The following SCGB2B2 variants were observed in gnomAD, a reference collection of about 807,000 sequenced individuals.
The protein encoded by SCGB2B2 is secretoglobin-like protein.
In SCGB2B2, 11 loss-of-function variants were observed where a neutral mutation model predicts 7.6. The observed-to-expected ratio is 1.45, with a 90% CI of 0.91 to 2.40. The LOEUF is 2.40. Ranked by LOEUF, SCGB2B2 falls within the 30% of genes most tolerant of loss-of-function variation. The probability of loss-of-function intolerance (pLI) is 0.00; values close to 1 mark genes in which losing one functional copy is unlikely to be tolerated. For synonymous variants in SCGB2B2, 50 were observed against 48.6 expected, an observed-to-expected ratio of 1.03 and a Z score of -0.12; for missense variants, 104 against 115.4, an observed-to-expected ratio of 0.90 and a Z score of 0.45.
chr19:34,606,134 T>G (rs111751897), intron 1 of SCGB2B2, among the ~76,000 whole-genome samples: 4,391 of 152,082 alleles, frequency 0.029, 224 homozygotes, highest in African/African-American at 0.099. Context: ...TTAAAAAATT[T>G]TACATAGTTA....
At chr19:34,645,702 T>C in intron 1 of SCGB2B2, 1 of 426,022 alleles carries the variant, frequency 2.3e-6, no homozygotes, top group South Asian at 2.0e-5. Flanking sequence ...CTGCTGGCTC[T>C]AATCTGCAGC....
At chr19:34,588,749 C>T (rs143340554), downstream of SCGB2B2, among the ~76,000 whole-genome samples, 1 of 152,254 alleles carries the variant, frequency 6.6e-6, no homozygotes, top group Non-Finnish European at 1.5e-5. Flanking sequence ...GCAGGAGACA[C>T]ACAGGGCATT....
intron 1 of SCGB2B2, among the ~76,000 whole-genome samples, chr19:34,608,160 C>T (rs2065831443): frequency 6.6e-6 from 1 of 151,976 alleles, no homozygotes; most frequent in Non-Finnish European, 1.5e-5. Flanking sequence ...TTTCAGTGTG[C>T]AAGTATTACA....
intron 1 of SCGB2B2, among the ~76,000 whole-genome samples, chr19:34,627,348 T>C (rs2066407986): frequency 6.6e-6 from 1 of 152,238 alleles, no homozygotes; most frequent in Non-Finnish European, 1.5e-5. Flanking sequence ...ATCATTGTGC[T>C]GTATTCAGGA....
chr19:34,640,663 C>T (rs1426322132), intron 1 of SCGB2B2: 1 of 152,122 alleles, frequency 6.6e-6, no homozygotes, highest in Non-Finnish European at 1.5e-5. Context: ...AGTTCAGTGG[C>T]ATTAAGTACA....
In SCGB2B2 at chr19:34,594,069, C is replaced by A. The variant is rs185498571; in HGVS notation, c.246+106G>T. 1.4e-3 allele frequency: 1,362 copies of A among 941,168 alleles called. 13 individuals carry two copies. The African/African-American group carries it at 0.02, about 14-fold the overall frequency. The allele number at this position is 941,168 out of a possible 1,614,324, so 58.3% of individuals were successfully genotyped here. A position where few individuals can be genotyped will look rare whatever the true frequency, so the allele number is the denominator to read the frequency against. On this transcript the variant is annotated intron_variant, in intron 3 of 3. Coordinates refer to ENST00000601241, the MANE Select transcript of SCGB2B2 (RefSeq NM_001025591.4). ...TGATTTTGCGCATCCTGGGATGTGG[C>A]TTCCTGCTTAAAACGTGGAAAGCAG...
chr19:34,618,834 G>A (rs974491193), intron 1 of SCGB2B2, among the ~76,000 whole-genome samples: 2 of 152,206 alleles, frequency 1.3e-5, no homozygotes, highest in Non-Finnish European at 2.9e-5. Context: ...ATCTCAGGAT[G>A]AGGATAGAGC....
chr19:34,672,047 G>A (rs894687081), intron 1 of SCGB2B2, among the ~76,000 whole-genome samples: 7 of 152,104 alleles, frequency 4.6e-5, no homozygotes, highest in African/African-American at 9.7e-5. Context: ...AGGCTGAAGC[G>A]AGTGAACTGC....
intron 1 of SCGB2B2, among the ~76,000 whole-genome samples, chr19:34,654,902 C>T (rs755040136): frequency 2.0e-5 from 3 of 151,204 alleles, no homozygotes; most frequent in Non-Finnish European, 4.4e-5. Flanking sequence ...TGCAATGCCA[C>T]GGTCTCCCTG....
intron 1 of SCGB2B2, among the ~76,000 whole-genome samples, chr19:34,636,499 AG>A (rs1368644730): frequency 6.6e-6 from 1 of 152,240 alleles, no homozygotes; most frequent in Non-Finnish European, 1.5e-5. Context: ...GTCCAGACTC[AG>A]GAAAACCAAC....
intron 1 of SCGB2B2, among the ~76,000 whole-genome samples, chr19:34,647,695 A>G (rs7253774): frequency 0.59 from 89,374 of 152,044 alleles, 26,706 homozygotes; most frequent in Middle Eastern, 0.69. Flanking sequence ...ACACCCCATG[A>G]AGAACAAGGC....
At chr19:34,664,152 G>T (rs1408343940) in intron 1 of SCGB2B2, among the ~76,000 whole-genome samples, 2 of 152,236 alleles carry the variant, frequency 1.3e-5, no homozygotes, top group African/African-American at 4.8e-5. Flanking sequence ...CCACCTCCCA[G>T]TGCGGGAGAA....
At chr19:34,645,290 C>G (rs1297120929) in intron 1 of SCGB2B2, 1 of 152,268 alleles carries the variant, frequency 6.6e-6, no homozygotes, top group Non-Finnish European at 1.5e-5. Flanking sequence ...GGCTCCTGGG[C>G]ACACATGCAC....
downstream of SCGB2B2, among the ~76,000 whole-genome samples, chr19:34,589,236 A>C (rs2065245923): frequency 6.6e-6 from 1 of 152,110 alleles, no homozygotes; most frequent in African/African-American, 2.4e-5. Context: ...TGGGAGGCTG[A>C]CTTCAGGCAG....
intron 1 of SCGB2B2, among the ~76,000 whole-genome samples, chr19:34,639,962 G>T (rs1411970380): frequency 6.6e-6 from 1 of 152,114 alleles, no homozygotes; most frequent in Admixed American, 6.6e-5. Flanking sequence ...GTAGTAGGGT[G>T]CTGGTAGTGT....
At chr19:34,600,678 T>G (rs1174653804) in intron 1 of SCGB2B2, among the ~76,000 whole-genome samples, 1 of 152,226 alleles carries the variant, frequency 6.6e-6, no homozygotes, top group Non-Finnish European at 1.5e-5. Context: ...TAGTGAAATG[T>G]GAATGGAATC....
intron 1 of SCGB2B2, among the ~76,000 whole-genome samples, chr19:34,661,550 A>T (rs1483526227): frequency 6.6e-6 from 1 of 152,254 alleles, no homozygotes; most frequent in East Asian, 1.9e-4. Flanking sequence ...AGAACTAAGT[A>T]AAGCTTTAGT....
chr19:34,630,753 C>T (rs1286452278), intron 1 of SCGB2B2, among the ~76,000 whole-genome samples: 2 of 152,074 alleles, frequency 1.3e-5, no homozygotes, highest in South Asian at 2.1e-4. Flanking sequence ...ACCCAGCCAT[C>T]GCATTACTGG....
intron 1 of SCGB2B2, among the ~76,000 whole-genome samples, chr19:34,619,648 A>G (rs1327978287): frequency 6.6e-6 from 1 of 152,220 alleles, no homozygotes; most frequent in Admixed American, 6.5e-5. Flanking sequence ...TAAATGGCAA[A>G]AAGTCAAACA....
Sources: allele counts gnomAD v4.1 joint callset (sites outside exome capture counted in the v4.1 genomes callset), GRCh38; gene constraint gnomAD v4.1.1; transcripts MANE v1.5; gene names NCBI Gene and HGNC (gene_info 2026-07-23, HGNC 2026-07-21).